The following PHF3 variants were observed in gnomAD, a reference collection of about 807,000 sequenced individuals.
The protein encoded by PHF3 is PHD finger protein 3.
PHF3 carries 41 observed loss-of-function variants against 178.4 expected under a neutral mutation model. That is an observed-to-expected ratio of 0.23 (90% CI 0.18 to 0.30). The LOEUF (loss-of-function observed/expected upper bound fraction) is 0.30. Among genes scored for constraint, PHF3 ranks in the 10% least tolerant of loss-of-function variants. PHF3 has a pLI of 1.00. For missense variants in PHF3, 2,346 were observed against 2,398.1 expected (o/e 0.98, Z 0.45); for synonymous variants, 842 against 800.5 (o/e 1.05, Z -0.88).
rs1768398665 is a variant in PHF3, at chr6:63,721,659, A to C, written c.*7951A>C. The C allele has an allele frequency of 6.4e-7, 1 of 1,551,188 alleles. No individual in the cohort carries two copies. The highest frequency in any genetic ancestry group is 8.7e-7 in the Non-Finnish European group (1 of 1,146,726). On this transcript the variant is annotated 3_prime_UTR_variant, in exon 16 of 16. Coordinates refer to ENST00000262043, the MANE Select transcript of PHF3 (RefSeq NM_001370348.2). ...TAGATCCAGGTAGCCTTCTGCACCA[A>C]CTCTTCCTGCTTTTATTATATGCCA...
chr6:63,681,140 C>T (rs1471230730), intron 3 of PHF3, among the ~76,000 whole-genome samples: 3 of 151,938 alleles, frequency 2.0e-5, no homozygotes, highest in East Asian at 3.9e-4. Flanking sequence ...GAAGGTGTTG[C>T]TCCATTTTTT....
chr6:63,650,057 T>TCC (rs1361679104), intron 2 of PHF3, among the ~76,000 whole-genome samples: 1 of 152,240 alleles, frequency 6.6e-6, no homozygotes, highest in Non-Finnish European at 1.5e-5. Context: ...GTGTTTACAA[T>TCC]CCATTTCTTA....
Position 63,691,822 on chromosome 6 carries a change from G to T in PHF3, c.2275G>T (p.Glu759Ter). The T allele has an allele frequency of 6.2e-7, 1 of 1,613,684 alleles. No individual in the cohort carries two copies. Among genetic ancestry groups the T allele is most frequent in the Non-Finnish European group, 8.5e-7 (1 of 1,179,802 alleles). ...TCTTTCTCAAGCACAGCAGATGGGC[G>T]AGGAAGACAAAGAATATGTCTGTGT... is the stretch of plus-strand genomic sequence containing the variant. ...LSLSQAQQMG[E>*]EDKEYVCVKC... The change falls in exon 5 of 16, where the codon GAG becomes TAG. Residue 759 changes from glutamate to a stop codon, truncating the protein, a stop_gained. Transcript: ENST00000262043. LOFTEE classifies it high-confidence loss of function.
intron 2 of PHF3, among the ~76,000 whole-genome samples, chr6:63,668,456 C>G (rs1266684792): frequency 6.6e-6 from 1 of 152,132 alleles, no homozygotes; most frequent in Non-Finnish European, 1.5e-5. Context: ...GCCTCAGCTT[C>G]CCAAGTAGCT....
chr6:63,689,723 G>A (rs556763621), intron 4 of PHF3, among the ~76,000 whole-genome samples: 2 of 151,956 alleles, frequency 1.3e-5, no homozygotes, highest in African/African-American at 2.4e-5. Context: ...TAAATTTCAC[G>A]ATCATCAAAC....
intron 2 of PHF3, among the ~76,000 whole-genome samples, chr6:63,672,000 G>A (rs1001739578): frequency 2.0e-5 from 3 of 151,936 alleles, no homozygotes; most frequent in Non-Finnish European, 4.4e-5. Context: ...GTGCCACCAC[G>A]CCCAGCTAAT....
rs1183365651 is a variant in PHF3, at chr6:63,722,665, C to G, written c.*8957C>G. 6.6e-6 allele frequency among the ~76,000 whole-genome samples: 1 copy of G among 152,176 alleles called. No homozygotes were observed. Among genetic ancestry groups the G allele is most frequent in the African/African-American group, 2.4e-5 (1 of 41,450 alleles). The stretch of plus-strand genomic sequence containing the variant: ...CTCCACGAAACATTTTCTTCTCCCT[C>G]TGAAATTTCCCAACCTTTTTCTTTT... On this transcript the variant is annotated 3_prime_UTR_variant, in exon 16 of 16. Coordinates refer to ENST00000262043, the MANE Select transcript of PHF3 (RefSeq NM_001370348.2).
At chr6:63,641,529 TGTG>T in intron 1 of PHF3, among the ~76,000 whole-genome samples, 1 of 18,800 alleles carries the variant, frequency 5.3e-5, no homozygotes. Flanking sequence ...TAGGTGTGTA[TGTG>T]TGTGTGTGTG....
Position 63,673,834 on chromosome 6 carries a change from C to A in PHF3, c.245-6166C>A, listed in dbSNP as rs1293696178. Reference sequence around the variant, plus strand: ...GTACCAAAAAGGTGAATATCTCCTCCTCTTAACTATAAAGGTAAGGGAGTT... The same window carrying A: ...GTACCAAAAAGGTGAATATCTCCTCATCTTAACTATAAAGGTAAGGGAGTT... On this transcript the variant is annotated intron_variant, in intron 2 of 15. Transcript: ENST00000262043. 2.0e-5 allele frequency among the ~76,000 whole-genome samples: 3 copies of A among 152,208 alleles called. No homozygotes were observed. The East Asian group carries it at 5.8e-4, about 29-fold the overall frequency.
intron 3 of PHF3, among the ~76,000 whole-genome samples, chr6:63,683,112 T>G (rs905506660): frequency 2.0e-5 from 3 of 152,084 alleles, no homozygotes; most frequent in African/African-American, 7.2e-5. Flanking sequence ...TGTTGTGTCC[T>G]ATGGGAATTA....
At chr6:63,699,739 C>G (rs569870412) in intron 8 of PHF3, among the ~76,000 whole-genome samples, 1 of 152,010 alleles carries the variant, frequency 6.6e-6, no homozygotes, top group Non-Finnish European at 1.5e-5. Context: ...TACAGGCACA[C>G]GCCGCCACGC....
intron 2 of PHF3, among the ~76,000 whole-genome samples, chr6:63,651,987 T>G (rs1181737782): frequency 2.0e-5 from 3 of 152,210 alleles, no homozygotes; most frequent in Non-Finnish European, 4.4e-5. Context: ...TTATGGCTAT[T>G]GTTAATAGTG....
At chr6:63,669,842 T>C (rs1199633780) in intron 2 of PHF3, among the ~76,000 whole-genome samples, 1 of 152,216 alleles carries the variant, frequency 6.6e-6, no homozygotes, top group Admixed American at 6.5e-5. Context: ...TACTGCTGTT[T>C]CAAGGCTGAA....
chr6:63,666,010 A>C (rs1391237584), intron 2 of PHF3, among the ~76,000 whole-genome samples: 1 of 152,178 alleles, frequency 6.6e-6, no homozygotes, highest in Admixed American at 6.5e-5. Context: ...AATCTGATTA[A>C]ATACTAGTTA....
chr6:63,689,334 ACTTT>A (rs1419182765), intron 4 of PHF3, among the ~76,000 whole-genome samples: 1 of 152,096 alleles, frequency 6.6e-6, no homozygotes. Flanking sequence ...TTTGCATTAC[ACTTT>A]CTTGGCCCCA....
Position 63,721,642 on chromosome 6 carries a change from G to GGTA in PHF3, c.*7936_*7938dup. The GGTA allele has an allele frequency of 6.4e-7, 1 of 1,551,314 alleles. No homozygotes were observed. Among genetic ancestry groups the GGTA allele is most frequent in the Non-Finnish European group, 8.7e-7 (1 of 1,146,652 alleles). ...GTTACATTTATCCCATCTAGATCCAGGTAGCCTTCTGCACCAACTCTTCCT... is the reference window on the plus strand; with the variant it reads ...GTTACATTTATCCCATCTAGATCCAGGTAGTAGCCTTCTGCACCAACTCTTCCT... On this transcript the variant is annotated 3_prime_UTR_variant, in exon 16 of 16. Coordinates refer to ENST00000262043, the MANE Select transcript of PHF3 (RefSeq NM_001370348.2).
Position 63,721,219 on chromosome 6 carries a change from G to A in PHF3, c.*7511G>A, listed in dbSNP as rs1028647946. 1 of 1,551,674 alleles carries A rather than the reference G, an allele frequency of 6.4e-7. No individual in the cohort carries two copies. Among genetic ancestry groups the A allele is most frequent in the Non-Finnish European group, 8.7e-7 (1 of 1,146,922 alleles). On this transcript the variant is annotated 3_prime_UTR_variant, in exon 16 of 16. Transcript: ENST00000262043. ...CTTCCCACCCAACCCAAAGTACACA[G>A]GCAACTGTAAGAAAATGATTGGTCA...
Position 63,725,143 on chromosome 6 carries a change from TAA to T in PHF3, c.*11436_*11437del, listed in dbSNP as rs1189887793. Among the ~76,000 whole-genome samples the T allele has an allele frequency of 3.9e-5, 6 of 152,166 alleles. No homozygotes were observed. Among genetic ancestry groups the T allele is most frequent in the Non-Finnish European group, 8.8e-5 (6 of 67,980 alleles). On this transcript the variant is annotated 3_prime_UTR_variant, in exon 16 of 16. Transcript: ENST00000262043. ...TAAAAATTTTCATGATTTTCTTATA[TAA>T]GTGTCAAATGCAGCATCAATCGTGT...
chr6:63,700,703 C>T (rs1351981183), intron 9 of PHF3, among the ~76,000 whole-genome samples: 1 of 152,124 alleles, frequency 6.6e-6, no homozygotes, highest in Non-Finnish European at 1.5e-5. Flanking sequence ...CCTGCCTCAG[C>T]CTCCCAAGTA....
Sources: allele counts gnomAD v4.1 joint callset (sites outside exome capture counted in the v4.1 genomes callset), GRCh38; gene constraint gnomAD v4.1.1; transcripts MANE v1.5; gene names NCBI Gene and HGNC (gene_info 2026-07-23, HGNC 2026-07-21).